The following SCLY variants were observed in gnomAD, a reference collection of about 807,000 sequenced individuals.
SCLY encodes putative selenocysteine lyase.
SCLY carries 38 observed loss-of-function variants against 50.1 expected under a neutral mutation model. That is an observed-to-expected ratio of 0.76 (90% CI 0.59 to 0.99). SCLY has a LOEUF of 0.99. Ranked by LOEUF, SCLY falls within the 50% of genes least tolerant of loss-of-function variation. The pLI, the probability that SCLY is intolerant of heterozygous loss-of-function variation, is 0.00. For synonymous variants in SCLY, 243 were observed against 249.4 expected (o/e 0.97, Z 0.24); for missense variants, 600 against 620.0 (o/e 0.97, Z 0.34).
intron 2 of SCLY, 45 bp downstream of exon 2, chr2:238,064,514 G>A (rs1283924312): frequency 8.7e-6 from 12 of 1,379,088 alleles, no homozygotes; most frequent in Non-Finnish European, 1.2e-5. Context: ...AGATAATGGG[G>A]ATGGGGCGCT....
At chr2:238,087,019 GAAAAAAAA>G (rs34975994) in intron 7 of SCLY, among the ~76,000 whole-genome samples, 1 of 149,190 alleles carries the variant, frequency 6.7e-6, no homozygotes, top group African/African-American at 2.5e-5. Context: ...AACTCCGTCT[GAAAAAAAA>G]AAAAAAGACA....
chr2:238,070,903 T>A (rs1243550807), intron 4 of SCLY, among the ~76,000 whole-genome samples: 1 of 151,822 alleles, frequency 6.6e-6, no homozygotes, highest in East Asian at 1.9e-4. Flanking sequence ...GTGATCTCAG[T>A]TCACTGCAGC....
intron 4 of SCLY, among the ~76,000 whole-genome samples, chr2:238,076,228 A>G (rs892350784): frequency 1.2e-4 from 18 of 151,920 alleles, no homozygotes; most frequent in Non-Finnish European, 2.4e-4. Context: ...AGTAACTGGG[A>G]TTACAGACAT....
At chr2:238,082,924 T>TC (rs1013309484) in intron 6 of SCLY, 11 of 345,878 alleles carry the variant, frequency 3.2e-5, no homozygotes, top group African/African-American at 2.3e-4. Flanking sequence ...CTCTTTCTTT[T>TC]TTTTTTTTTT....
chr2:238,083,039 C>T lies in SCLY; in HGVS notation c.778-209C>T, dbSNP rs967918831. ...GCTGAGCACGAGAGTCTAGCACCTG[C>T]GCTGCCTCCTAGGTTGGGGTTCCAC... On this transcript the variant is annotated intron_variant, in intron 6 of 11. Transcript: ENST00000254663. The surrounding 1 kb of genome is among the most constrained non-coding windows in gnomAD (Gnocchi z 4.3). 51 of 652,876 alleles carry T rather than the reference C, an allele frequency of 7.8e-5. 1 individual carries two copies. Among genetic ancestry groups the T allele is most frequent in the East Asian group, 9.3e-5 (3 of 32,416 alleles). 40.4% of individuals were successfully genotyped at this position (652,876 alleles called of 1,614,324 possible). A position where few individuals can be genotyped will look rare whatever the true frequency, so the allele number is the denominator to read the frequency against.
intron 8 of SCLY, 164 bp downstream of exon 8, chr2:238,091,418 C>T (rs2065360975): frequency 2.9e-6 from 2 of 700,820 alleles, no homozygotes; most frequent in Non-Finnish European, 5.2e-6. Context: ...GAGAGCTGTA[C>T]TTTTTCAGAT....
chr2:238,074,981 T>C (rs1165161092), intron 4 of SCLY, among the ~76,000 whole-genome samples: 1 of 152,240 alleles, frequency 6.6e-6, no homozygotes, highest in African/African-American at 2.4e-5. Flanking sequence ...GATATCCTTA[T>C]CTTGCTAGTG....
intron 1 of SCLY, among the ~76,000 whole-genome samples, chr2:238,063,877 G>C (rs2065043707): frequency 6.6e-6 from 1 of 152,188 alleles, no homozygotes; most frequent in African/African-American, 2.4e-5. Flanking sequence ...GGGCCCAACA[G>C]ACCATTAATC....
At chr2:238,061,511 A>T in intron 1 of SCLY, 1 of 348,848 alleles carries the variant, frequency 2.9e-6, no homozygotes, top group Non-Finnish European at 5.5e-6. Flanking sequence ...TTTGGGGTTC[A>T]TTCGGAGCCT....
chr2:238,075,073 G>A (rs1027922172), intron 4 of SCLY, among the ~76,000 whole-genome samples: 6 of 152,158 alleles, frequency 3.9e-5, no homozygotes, highest in African/African-American at 1.4e-4. Context: ...TTATCAGGAT[G>A]AGGAAGTTCC....
At chr2:238,081,455 A>G (rs1469218065) in intron 4 of SCLY, 4 of 439,978 alleles carry the variant, frequency 9.1e-6, no homozygotes. Context: ...GTCTCCGTAG[A>G]AGCAGAAAGG....
In SCLY at chr2:238,069,084, T is replaced by C. The variant is rs2065102953; in HGVS notation, c.304-213T>C. Among the ~76,000 whole-genome samples, 1 of 152,240 alleles carries C rather than the reference T, an allele frequency of 6.6e-6. No homozygotes were observed. Among genetic ancestry groups the C allele is most frequent in the Admixed American group, 6.5e-5 (1 of 15,284 alleles). On this transcript the variant is annotated intron_variant, in intron 3 of 11. Coordinates refer to ENST00000254663, the MANE Select transcript of SCLY (RefSeq NM_016510.7). This position sits in a 1 kb window ranked among gnomAD's most constrained non-coding sequence, Gnocchi z 5.0. ...ATAAATTCTTAAAAATTAATAATAT[T>C]GCTTAACTATAAAACAGACATAATT... is the stretch of plus-strand genomic sequence containing the variant.
intron 1 of SCLY, among the ~76,000 whole-genome samples, chr2:238,063,786 TG>T (rs72025541): frequency 0.039 from 5,918 of 152,260 alleles, 378 homozygotes; most frequent in African/African-American, 0.14. Context: ...AAAGTTCCCT[TG>T]GGGAATGTGC....
At chr2:238,076,997 C>G (rs1463817446) in intron 4 of SCLY, among the ~76,000 whole-genome samples, 1 of 152,026 alleles carries the variant, frequency 6.6e-6, no homozygotes, top group Admixed American at 6.6e-5. Flanking sequence ...TAGTGTTATT[C>G]AAGTCTTCTG....
At chr2:238,082,304 GC>G in intron 6 of SCLY, 95 bp downstream of exon 6, 1 of 1,308,680 alleles carries the variant, frequency 7.6e-7, no homozygotes, top group Non-Finnish European at 1.0e-6. Context: ...CCCACCGTGA[GC>G]CAGGCCTTGG....
chr2:238,076,161 A>G (rs1183459717), intron 4 of SCLY, among the ~76,000 whole-genome samples: 4 of 149,754 alleles, frequency 2.7e-5, no homozygotes, highest in Non-Finnish European at 5.9e-5. Flanking sequence ...ACACAATCTC[A>G]GCTTACTGCA....
At chr2:238,074,170 GTGGCACA>G (rs930631106) in intron 4 of SCLY, among the ~76,000 whole-genome samples, 1 of 152,012 alleles carries the variant, frequency 6.6e-6, no homozygotes, top group African/African-American at 2.4e-5. Context: ...GCCATGAGTG[GTGGCACA>G]TACCTGTAAT....
Position 238,081,795 on chromosome 2 carries a change from G to T in SCLY, c.571G>T (p.Val191Leu). The change falls in exon 5 of 12, where the codon GTG becomes TTG. Residue 191 changes from valine (V) to leucine (L), a missense_variant. Val to Leu is a conservative substitution (Grantham distance 32). Transcript: ENST00000254663. The part of the protein sequence containing the change: ...LAAVRPTTRL[V>L]TIMLANNETG... Reference sequence around the variant, plus strand: ...GGCAGTCCGCCCGACCACACGCCTCGTGACCATCATGCTGGCCAACAATGA... The same window carrying T: ...GGCAGTCCGCCCGACCACACGCCTCTTGACCATCATGCTGGCCAACAATGA... 7.4e-6 allele frequency: 12 copies of T among 1,614,154 alleles called. No homozygotes were observed. The highest frequency in any genetic ancestry group is 1.0e-5 in the Non-Finnish European group (12 of 1,180,038).
rs1553568573 is a variant in SCLY at position 238,098,581 on chromosome 2, C to CCGCCCACATGGGAACGCCCACATGGGAA, written c.*235_*236insGGGAACGCCCACATGGGAACGCCCACAT. The stretch of plus-strand genomic sequence containing the variant: ...GCCGCATAGGACTGCCCACATGGGA[C>CCGCCCACATGGGAACGCCCACATGGGAA]CGCCCACATAGGACCGCCCACATAG... On this transcript the variant is annotated 3_prime_UTR_variant, in exon 12 of 12. Coordinates refer to ENST00000254663, the MANE Select transcript of SCLY (RefSeq NM_016510.7). 32 of 329,172 alleles carry CCGCCCACATGGGAACGCCCACATGGGAA rather than the reference C, an allele frequency of 9.7e-5. 1 individual carries two copies. Among genetic ancestry groups the CCGCCCACATGGGAACGCCCACATGGGAA allele is most frequent in the African/African-American group, 8.5e-4 (27 of 31,794 alleles). The allele number at this position is 329,172 out of a possible 1,614,324, so 20.4% of individuals were successfully genotyped here.
Sources: gnomAD v4.1 joint callset for allele counts (sites outside exome capture counted in the v4.1 genomes callset) on GRCh38, gnomAD v4.1.1 for gene constraint, Gnocchi (gnomAD v3.1) non-coding constraint, MANE v1.5 for transcripts, NCBI Gene and HGNC (gene_info 2026-07-23, HGNC 2026-07-21) for gene names.